The following VIT variants were observed in gnomAD, a reference collection of about 807,000 sequenced individuals.
VIT encodes the protein vitrin.
VIT carries 99 observed loss-of-function variants against 78.0 expected under a neutral mutation model. The ratio of observed to expected loss-of-function variants is 1.27; its 90% CI spans 1.08 to 1.50. The LOEUF is 1.50. Among genes scored for constraint, VIT ranks in the 40% most tolerant of loss-of-function variants. The pLI is 0.00. For synonymous variants in VIT, 374 were observed against 334.3 expected (o/e 1.12, Z -1.29); for missense variants, 1,126 against 875.3 (o/e 1.29, Z -3.61).
intron 11 of VIT, among the ~76,000 whole-genome samples, chr2:36,785,418 T>A (rs1277888930): frequency 1.3e-5 from 2 of 152,030 alleles, no homozygotes; most frequent in East Asian, 1.9e-4. Flanking sequence ...AAAAAATGAG[T>A]TGGCCTTGCT....
chr2:36,700,721 G>C (rs1665000302), intron 1 of VIT, among the ~76,000 whole-genome samples: 1 of 149,934 alleles, frequency 6.7e-6, no homozygotes. Context: ...GGGTGACACA[G>C]CAAGACCCTA....
intron 3 of VIT, among the ~76,000 whole-genome samples, chr2:36,739,835 A>T (rs2148509534): frequency 6.6e-6 from 1 of 152,258 alleles, no homozygotes; most frequent in South Asian, 2.1e-4. Flanking sequence ...TGGGCTCCCC[A>T]CGGCTCTCTG....
At chr2:36,740,076 G>C (rs776602192) in intron 3 of VIT, among the ~76,000 whole-genome samples, 4 of 152,194 alleles carry the variant, frequency 2.6e-5, no homozygotes, top group Non-Finnish European at 5.9e-5. Context: ...GATACTTCTT[G>C]AGCTGCCTTA....
chr2:36,798,714 G>A (rs1024438929), intron 12 of VIT, among the ~76,000 whole-genome samples: 42 of 152,052 alleles, frequency 2.8e-4, no homozygotes, highest in African/African-American at 8.7e-4. Context: ...AACCAAAATC[G>A]AGCCACTGCA....
At chr2:36,729,556 C>G (rs1287952498) in intron 3 of VIT, 65 bp downstream of exon 3, 7 of 1,516,570 alleles carry the variant, frequency 4.6e-6, no homozygotes, top group Non-Finnish European at 6.3e-6. Context: ...GGTTATTATA[C>G]TTGTTTTAGG....
chr2:36,710,638 G>A (rs1026786302), intron 1 of VIT, among the ~76,000 whole-genome samples: 2 of 152,066 alleles, frequency 1.3e-5, no homozygotes, highest in Non-Finnish European at 2.9e-5. Flanking sequence ...GTAATGATAT[G>A]AATGTAAAAT....
At chr2:36,764,345 C>T (rs918139542) in intron 6 of VIT, among the ~76,000 whole-genome samples, 7 of 152,172 alleles carry the variant, frequency 4.6e-5, no homozygotes, top group East Asian at 1.9e-4. Flanking sequence ...AGGTCAAACC[C>T]GGGCCTGCAT....
chr2:36,806,015 C>T (rs1385744749), intron 14 of VIT, among the ~76,000 whole-genome samples: 2 of 151,994 alleles, frequency 1.3e-5, no homozygotes, highest in East Asian at 1.9e-4. Context: ...CACACACACG[C>T]ACACACACAC....
intron 15 of VIT, 56 bp from the exon 16 acceptor site, chr2:36,814,127 T>A: frequency 6.3e-7 from 1 of 1,582,518 alleles, no homozygotes; most frequent in Non-Finnish European, 8.6e-7. Context: ...AGAGAGAGAT[T>A]CTTTAGCAGC....
At chr2:36,712,054 A>T (rs1193274287) in intron 1 of VIT, among the ~76,000 whole-genome samples, 1 of 152,178 alleles carries the variant, frequency 6.6e-6, no homozygotes, top group South Asian at 2.1e-4. Context: ...CATGTGCCCC[A>T]CAGCTCTGTG....
chr2:36,795,123 G>T (rs1483318750), intron 12 of VIT, among the ~76,000 whole-genome samples: 1 of 152,184 alleles, frequency 6.6e-6, no homozygotes, highest in Non-Finnish European at 1.5e-5. Context: ...AGGAGAAAGT[G>T]CCTGTTCTCA....
intron 7 of VIT, among the ~76,000 whole-genome samples, chr2:36,770,088 G>T (rs1669656400): frequency 6.6e-6 from 1 of 152,200 alleles, no homozygotes; most frequent in Non-Finnish European, 1.5e-5. Context: ...GTAGGCAAAA[G>T]GTTCTAGAAC....
chr2:36,789,676 G>T (rs1665349715), intron 12 of VIT, among the ~76,000 whole-genome samples: 2 of 152,120 alleles, frequency 1.3e-5, no homozygotes, highest in Admixed American at 1.3e-4. Context: ...GAAGGAAGTG[G>T]GGCATCCTGG....
chr2:36,706,293 T>A (rs1665415064), intron 1 of VIT, among the ~76,000 whole-genome samples: 1 of 152,168 alleles, frequency 6.6e-6, no homozygotes, highest in Non-Finnish European at 1.5e-5. Flanking sequence ...TTACTACTGA[T>A]CATTTCAGGG....
At chr2:36,777,012 C>T (rs1164658180) in intron 9 of VIT, among the ~76,000 whole-genome samples, 1 of 147,718 alleles carries the variant, frequency 6.8e-6, no homozygotes. Context: ...TGGCATGAAC[C>T]CAGGAGGCGG....
At chr2:36,788,709 G>A (rs1414428225) in intron 12 of VIT, among the ~76,000 whole-genome samples, 3 of 152,170 alleles carry the variant, frequency 2.0e-5, no homozygotes, top group African/African-American at 2.4e-5. Context: ...GGAAACATAC[G>A]CGTTTTAATG....
At chr2:36,782,222 A>G (rs996030076) in intron 10 of VIT, among the ~76,000 whole-genome samples, 9 of 152,198 alleles carry the variant, frequency 5.9e-5, no homozygotes, top group Non-Finnish European at 1.2e-4. Flanking sequence ...ATGGGAGGGA[A>G]GATTGTACTG....
Position 36,765,341 on chromosome 2 carries a change from A to G in VIT, c.488-1753A>G, listed in dbSNP as rs991357314. Among the ~76,000 whole-genome samples the G allele has an allele frequency of 2.6e-5, 4 of 151,746 alleles. No homozygotes were observed. In the East Asian group the frequency reaches 5.9e-4, roughly 22 times the overall value. On this transcript the variant is annotated intron_variant, in intron 6 of 15. Coordinates refer to ENST00000379242, the MANE Select transcript of VIT (RefSeq NM_053276.4). ...AGATTTAGTTGACTCACAGTTCCAC[A>G]TGGCTGGGGAAGCCTCATGAAACAT...
intron 2 of VIT, among the ~76,000 whole-genome samples, chr2:36,727,902 A>T (rs569959487): frequency 6.6e-6 from 1 of 152,354 alleles, no homozygotes; most frequent in African/African-American, 2.4e-5. Context: ...ATTACTTGAT[A>T]ACAAGTAACA....
Sources: gnomAD v4.1 joint callset for allele counts (sites outside exome capture counted in the v4.1 genomes callset) on GRCh38, gnomAD v4.1.1 for gene constraint, MANE v1.5 for transcripts, NCBI Gene and HGNC (gene_info 2026-07-23, HGNC 2026-07-21) for gene names.